The following TOR1AIP1 variants were observed in gnomAD, a reference collection of about 807,000 sequenced individuals.
TOR1AIP1 encodes torsin 1A interacting protein 1.
TOR1AIP1 carries 54 observed loss-of-function variants against 63.3 expected under a neutral mutation model. The ratio of observed to expected loss-of-function variants is 0.85; its 90% CI spans 0.69 to 1.07. TOR1AIP1 has a LOEUF of 1.07. Among genes scored for constraint, TOR1AIP1 ranks in the 50% least tolerant of loss-of-function variants. The pLI is 0.00. For synonymous variants in TOR1AIP1, 294 were observed against 273.5 expected (o/e 1.07, Z -0.74); for missense variants, 736 against 715.0 (o/e 1.03, Z -0.33).
At position 179,882,966 on chromosome 1, in the gene TOR1AIP1, A is replaced by G. The variant is rs1647782051; in HGVS notation, c.464A>G (p.His155Arg). 1 of 1,611,380 alleles carries G rather than the reference A, an allele frequency of 6.2e-7. No individual in the cohort carries two copies. Among genetic ancestry groups the G allele is most frequent in the Admixed American group, 1.7e-5 (1 of 59,694 alleles). The part of the protein sequence containing the change: ...VMTRRGLRDS[H>R]SSEEDEASSQ... ...ACCAGGAGAGGGCTGCGGGACTCTCATTCCTCTGAAGGTGAGGACCGCGGA... is the reference window on the plus strand; with the variant it reads ...ACCAGGAGAGGGCTGCGGGACTCTCGTTCCTCTGAAGGTGAGGACCGCGGA... The change falls in exon 1 of 10, where the codon CAT becomes CGT. Residue 155 changes from histidine (H) to arginine (R), a missense_variant. Physicochemically the swap from His to Arg is conservative, Grantham distance 29. Around this residue, in one of 2 missense-constraint regions of TOR1AIP1, gnomAD observed 464 missense variants for 371.0 expected, o/e 1.25. Coordinates refer to ENST00000606911, the MANE Select transcript of TOR1AIP1 (RefSeq NM_015602.4).
intron 3 of TOR1AIP1, among the ~76,000 whole-genome samples, chr1:179,899,916 A>G (rs1270154678): frequency 6.6e-6 from 1 of 152,246 alleles, no homozygotes; most frequent in Non-Finnish European, 1.5e-5. Context: ...AAGTGCCGGG[A>G]TTATAGGCGT....
In TOR1AIP1 at chr1:179,917,928, T is replaced by A. The variant is rs762266968; in HGVS notation, c.1441T>A (p.Phe481Ile). The A allele has an allele frequency of 1.9e-6, 3 of 1,614,098 alleles. No homozygotes were observed. The African/African-American group carries it at 4.0e-5, about 22-fold the overall frequency. The change falls in exon 10 of 10, where the codon TTT becomes ATT. Residue 481 changes from phenylalanine to isoleucine, a missense_variant. Phe to Ile is a conservative substitution (Grantham distance 21). This residue lies in a region of TOR1AIP1 where 272 missense variants were observed against 344.1 expected (regional missense o/e 0.79). Transcript: ENST00000606911. ...NGQNAAVVHR[F>I]ESFPAGSTLI... ...CCAGAATGCAGCTGTGGTACACCGC[T>A]TTGAGTCATTTCCCGCAGGCTCTAC...
At chr1:179,896,874 G>A (rs1326748103) in intron 3 of TOR1AIP1, among the ~76,000 whole-genome samples, 1 of 151,980 alleles carries the variant, frequency 6.6e-6, no homozygotes, top group Admixed American at 6.6e-5. Flanking sequence ...AGCAGGCTTG[G>A]GTTTCTTGAG....
chr1:179,896,631 C>A (rs1033212069), intron 3 of TOR1AIP1, among the ~76,000 whole-genome samples: 1 of 151,670 alleles, frequency 6.6e-6, no homozygotes, highest in Non-Finnish European at 1.5e-5. Flanking sequence ...GAGGTTGAGG[C>A]GGTTTTATGA....
intron 3 of TOR1AIP1, among the ~76,000 whole-genome samples, chr1:179,899,186 A>G (rs1215232002): frequency 6.6e-6 from 1 of 152,068 alleles, no homozygotes. Context: ...AAATCATGCT[A>G]CTTCTCTACA....
intron 3 of TOR1AIP1, among the ~76,000 whole-genome samples, 182 bp downstream of exon 3, chr1:179,889,551 T>A (rs1200464271): frequency 1.3e-5 from 2 of 152,228 alleles, no homozygotes; most frequent in Non-Finnish European, 2.9e-5. Flanking sequence ...GCAACCAATG[T>A]TGTCAGTTTA....
intron 3 of TOR1AIP1, among the ~76,000 whole-genome samples, chr1:179,889,652 C>T (rs1475932531): frequency 1.4e-5 from 2 of 144,894 alleles, no homozygotes; most frequent in African/African-American, 5.1e-5. Flanking sequence ...TCATTTCTGT[C>T]TTTTTTTTTT....
At chr1:179,907,532 T>C (rs1434225261) in intron 6 of TOR1AIP1, among the ~76,000 whole-genome samples, 1 of 149,766 alleles carries the variant, frequency 6.7e-6, no homozygotes, top group African/African-American at 2.4e-5. Context: ...CTCCTTATTG[T>C]TGCCCAATTC....
intron 3 of TOR1AIP1, among the ~76,000 whole-genome samples, chr1:179,894,222 G>T (rs934348216): frequency 6.7e-6 from 1 of 149,474 alleles, no homozygotes; most frequent in South Asian, 2.1e-4. Flanking sequence ...CCGCACTCCA[G>T]CCTGGGCGAC....
chr1:179,898,034 A>G lies in TOR1AIP1; in HGVS notation c.611-2092A>G, dbSNP rs565494079. On this transcript the variant is annotated intron_variant, in intron 3 of 9. Coordinates refer to ENST00000606911, the MANE Select transcript of TOR1AIP1 (RefSeq NM_015602.4). ...GAAGGATGGCTTGAGCCTGGGAGGGAGGGGTTGCAGTGAGCCAAGATCACA... is the reference window on the plus strand; with the variant it reads ...GAAGGATGGCTTGAGCCTGGGAGGGGGGGGTTGCAGTGAGCCAAGATCACA... Among the ~76,000 whole-genome samples the G allele has an allele frequency of 8.2e-4, 125 of 152,008 alleles. 1 individual carries two copies. The highest frequency in any genetic ancestry group is 2.9e-3 in the African/African-American group (122 of 41,464).
chr1:179,911,924 T>C (rs1571737300), intron 8 of TOR1AIP1, among the ~76,000 whole-genome samples: 2 of 152,192 alleles, frequency 1.3e-5, no homozygotes, highest in East Asian at 1.9e-4. Flanking sequence ...TGTAGAGTGA[T>C]TGATTATCAC....
chr1:179,892,288 A>G (rs1194362851), intron 3 of TOR1AIP1, among the ~76,000 whole-genome samples: 3 of 152,080 alleles, frequency 2.0e-5, no homozygotes, highest in East Asian at 3.9e-4. Flanking sequence ...CCTGGCTGGC[A>G]TGGCAAAACC....
At chr1:179,899,596 A>T (rs1361755651) in intron 3 of TOR1AIP1, among the ~76,000 whole-genome samples, 1 of 152,218 alleles carries the variant, frequency 6.6e-6, no homozygotes, top group Non-Finnish European at 1.5e-5. Context: ...TACAAAGGTT[A>T]CATTTTAGAG....
chr1:179,882,723 T>A lies in TOR1AIP1; in HGVS notation c.221T>A (p.Val74Glu), dbSNP rs1271534392. 3 of 1,613,558 alleles carry A rather than the reference T, an allele frequency of 1.9e-6. No individual in the cohort carries two copies. Among genetic ancestry groups the A allele is most frequent in the South Asian group, 2.2e-5 (2 of 91,042 alleles). The change falls in exon 1 of 10, where the codon GTG becomes GAG. Residue 74 changes from valine to glutamate, a missense_variant. By Grantham distance (121) the Val-to-Glu change is moderately radical. Transcript: ENST00000606911. The part of the protein sequence containing the change: ...PEVYGDFEPL[V>E]AKERSPVGKR... The stretch of plus-strand genomic sequence containing the variant: ...GTGTACGGCGACTTCGAGCCCCTGG[T>A]GGCCAAAGAAAGGTCCCCGGTGGGA...
At position 179,908,555 on chromosome 1, in the gene TOR1AIP1, A is replaced by C. The variant is rs375989604; in HGVS notation, c.839-50A>C. ...ATTTTATAACACTGGAATATGGTAT[A>C]AACTTTCAAAGTATGGGAAATTATC... On this transcript the variant is annotated intron_variant, in intron 7 of 9. Coordinates refer to ENST00000606911, the MANE Select transcript of TOR1AIP1 (RefSeq NM_015602.4). 219 of 1,488,184 alleles carry C rather than the reference A, an allele frequency of 1.5e-4. No individual in the cohort carries two copies. The African/African-American group carries it at 2.7e-3, about 19-fold the overall frequency. The allele number at this position is 1,488,184 out of a possible 1,614,324, so 92.2% of individuals were successfully genotyped here.
At chr1:179,892,826 G>A (rs771376383) in intron 3 of TOR1AIP1, among the ~76,000 whole-genome samples, 34 of 151,830 alleles carry the variant, frequency 2.2e-4, no homozygotes, top group Non-Finnish European at 4.0e-4. Flanking sequence ...TAAGCACCTT[G>A]TAATAAAAAC....
chr1:179,904,927 C>G (rs1039742074), intron 6 of TOR1AIP1, among the ~76,000 whole-genome samples: 2 of 152,180 alleles, frequency 1.3e-5, no homozygotes, highest in African/African-American at 2.4e-5. Context: ...GCCCAGCCAC[C>G]TTTATTATTT....
chr1:179,901,873 G>A (rs1374868936), intron 5 of TOR1AIP1, among the ~76,000 whole-genome samples: 5 of 151,814 alleles, frequency 3.3e-5, no homozygotes, highest in Admixed American at 3.3e-4. Context: ...ACCAGTTTGA[G>A]GCTTAAGATA....
At chr1:179,898,895 G>A (rs1057195805) in intron 3 of TOR1AIP1, among the ~76,000 whole-genome samples, 4 of 151,486 alleles carry the variant, frequency 2.6e-5, no homozygotes, top group African/African-American at 7.3e-5. Flanking sequence ...AGTTTTCTCT[G>A]GGTTAGTTTT....
Sources: allele counts gnomAD v4.1 joint callset (sites outside exome capture counted in the v4.1 genomes callset), GRCh38; gene constraint gnomAD v4.1.1; regional missense constraint gnomAD v4.1.1; transcripts MANE v1.5; gene names NCBI Gene and HGNC (gene_info 2026-07-23, HGNC 2026-07-21).